OPCML: variants seen among roughly 807,000 people sequenced by gnomAD.
OPCML encodes opioid binding protein/cell adhesion molecule like.
OPCML carries 13 observed loss-of-function variants against 37.8 expected under a neutral mutation model. That is an observed-to-expected ratio of 0.34 (90% CI 0.22 to 0.55). OPCML has a LOEUF of 0.55. OPCML is among the 20% of genes least tolerant of loss of function. The pLI is 0.91. For synonymous variants in OPCML, 176 were observed against 168.8 expected (o/e 1.04, Z -0.33); for missense variants, 341 against 435.6 (o/e 0.78, Z 1.93).
At chr11:132,463,070 C>A (rs1453158723) in intron 4 of OPCML, among the ~76,000 whole-genome samples, 1 of 152,196 alleles carries the variant, frequency 6.6e-6, no homozygotes, top group Non-Finnish European at 1.5e-5. Context: ...AATAGTGAAG[C>A]CAGAACTTTG....
chr11:132,881,829 G>C (rs539345166), intron 2 of OPCML, among the ~76,000 whole-genome samples: 1 of 152,282 alleles, frequency 6.6e-6, no homozygotes, highest in South Asian at 2.1e-4. Flanking sequence ...ACAGATAAGA[G>C]AGAACCATCT....
chr11:133,198,537 G>A (rs756442933), intron 1 of OPCML, among the ~76,000 whole-genome samples: 7 of 152,240 alleles, frequency 4.6e-5, no homozygotes, highest in Non-Finnish European at 7.3e-5. Flanking sequence ...CTTCACGATT[G>A]GGAACTAGAT....
At chr11:132,755,028 T>C (rs1486352540) in intron 2 of OPCML, among the ~76,000 whole-genome samples, 1 of 152,174 alleles carries the variant, frequency 6.6e-6, no homozygotes, top group African/African-American at 2.4e-5. Context: ...CAAATGTATG[T>C]TTAGAAAATT....
chr11:132,877,234 T>C (rs1943054056), intron 2 of OPCML, among the ~76,000 whole-genome samples: 1 of 152,198 alleles, frequency 6.6e-6, no homozygotes, highest in Non-Finnish European at 1.5e-5. Context: ...TGTTCAATTC[T>C]GAAATTCCCG....
intron 2 of OPCML, among the ~76,000 whole-genome samples, chr11:132,811,471 T>C (rs1299446701): frequency 6.6e-6 from 1 of 152,202 alleles, no homozygotes; most frequent in African/African-American, 2.4e-5. Flanking sequence ...CCAGATGCAG[T>C]TTTCTAGAAG....
intron 7 of OPCML, among the ~76,000 whole-genome samples, chr11:132,430,794 C>T (rs986672795): frequency 6.6e-6 from 1 of 152,192 alleles, no homozygotes. Context: ...TCTCCCCTTC[C>T]CCTGCCAGTT....
chr11:132,840,107 G>A (rs1941224577), intron 2 of OPCML, among the ~76,000 whole-genome samples: 1 of 152,042 alleles, frequency 6.6e-6, no homozygotes, highest in South Asian at 2.1e-4. Flanking sequence ...ATGAGAACAG[G>A]GGCCACAGCA....
chr11:133,266,268 A>G (rs1385676310), intron 1 of OPCML, among the ~76,000 whole-genome samples: 1 of 152,088 alleles, frequency 6.6e-6, no homozygotes, highest in Non-Finnish European at 1.5e-5. Context: ...TCCAGAAGGA[A>G]CTTTCAATTA....
intron 3 of OPCML, among the ~76,000 whole-genome samples, chr11:132,568,026 G>C (rs1158974656): frequency 1.4e-5 from 2 of 142,006 alleles, no homozygotes; most frequent in African/African-American, 5.2e-5. Context: ...GAATAGATCT[G>C]TGTGTGTGTG....
chr11:133,404,275 C>T (rs1945477486), intron 1 of OPCML, among the ~76,000 whole-genome samples: 1 of 152,246 alleles, frequency 6.6e-6, no homozygotes, highest in African/African-American at 2.4e-5. Flanking sequence ...ATGGTCTCAT[C>T]TTAACTTGAT....
At chr11:133,384,183 T>C (rs1944989872) in intron 1 of OPCML, among the ~76,000 whole-genome samples, 1 of 145,152 alleles carries the variant, frequency 6.9e-6, no homozygotes. Context: ...TGGGGACACC[T>C]TTGACCTAAT....
chr11:132,729,288 C>T (rs572181530), intron 2 of OPCML, among the ~76,000 whole-genome samples: 4 of 152,086 alleles, frequency 2.6e-5, no homozygotes, highest in Non-Finnish European at 5.9e-5. Flanking sequence ...TTTTTTAAAG[C>T]CCTCATGAAT....
Position 133,229,750 on chromosome 11 carries a change from G to A in OPCML, c.62-286740C>T, listed in dbSNP as rs113986394. Among the ~76,000 whole-genome samples, 1,193 of 152,282 alleles carry A rather than the reference G, an allele frequency of 7.8e-3. 13 individuals carry two copies. Among genetic ancestry groups the A allele is most frequent in the Non-Finnish European group, 0.011 (780 of 68,024 alleles). ...GGGGGCTTGGAGTATATTCCCTGAG[G>A]GTAAGGGGGAACTGCTGGACAAGTT... is the stretch of plus-strand genomic sequence containing the variant. On this transcript the variant is annotated intron_variant, in intron 1 of 7. Coordinates refer to ENST00000524381, the MANE Select transcript of OPCML (RefSeq NM_001012393.5).
At chr11:133,105,532 T>C (rs1009697981) in intron 1 of OPCML, among the ~76,000 whole-genome samples, 5 of 152,108 alleles carry the variant, frequency 3.3e-5, no homozygotes, top group Admixed American at 3.3e-4. Flanking sequence ...TTGCCAAGGT[T>C]CAGAAGTAGG....
intron 3 of OPCML, among the ~76,000 whole-genome samples, chr11:132,597,706 C>A (rs2096494612): frequency 6.6e-6 from 1 of 152,140 alleles, no homozygotes; most frequent in Admixed American, 6.5e-5. Context: ...CAGGGCTTGA[C>A]CACGGCTGAT....
chr11:133,237,000 A>C (rs1442552549), intron 1 of OPCML, among the ~76,000 whole-genome samples: 3 of 152,204 alleles, frequency 2.0e-5, no homozygotes, highest in Non-Finnish European at 4.4e-5. Context: ...AAATGGCCTT[A>C]CTAAATAAAT....
At chr11:133,122,248 T>C (rs1369024773) in intron 1 of OPCML, among the ~76,000 whole-genome samples, 1 of 152,230 alleles carries the variant, frequency 6.6e-6, no homozygotes, top group Non-Finnish European at 1.5e-5. Context: ...TCTTGAATTC[T>C]AGTTCCAGCT....
intron 1 of OPCML, chr11:133,004,448 G>A (rs965612828): frequency 8.1e-6 from 8 of 985,366 alleles, no homozygotes; most frequent in African/African-American, 1.7e-5. Context: ...GGCAGCATGT[G>A]GAGGCTGAGG....
chr11:132,971,427 CT>C (rs1351054298), intron 1 of OPCML, among the ~76,000 whole-genome samples: 6 of 152,304 alleles, frequency 3.9e-5, no homozygotes, highest in African/African-American at 1.4e-4. Context: ...AGTCTTCAAG[CT>C]CCCTGCAAAC....
Sources: gnomAD v4.1 joint callset for allele counts (sites outside exome capture counted in the v4.1 genomes callset) on GRCh38, gnomAD v4.1.1 for gene constraint, MANE v1.5 for transcripts, NCBI Gene and HGNC (gene_info 2026-07-23, HGNC 2026-07-21) for gene names.